The following DNAJA2 variants were observed in gnomAD, a reference collection of about 807,000 sequenced individuals.
DNAJA2 encodes dnaJ homolog subfamily A member 2.
DNAJA2 carries 6 observed loss-of-function variants against 49.3 expected under a neutral mutation model. That is an observed-to-expected ratio of 0.12 (90% confidence interval 0.07 to 0.24). The LOEUF (loss-of-function observed/expected upper bound fraction) is 0.24. Ranked by LOEUF, DNAJA2 falls within the 10% of genes least tolerant of loss-of-function variation. The pLI is 1.00. For missense variants in DNAJA2, 347 were observed against 516.8 expected (o/e 0.67, Z 3.19); for synonymous variants, 160 against 172.7 (o/e 0.93, Z 0.58).
chr16:46,973,394 C>A, intron 1 of DNAJA2, 101 bp downstream of exon 1: 1 of 1,110,630 alleles, frequency 9.0e-7, no homozygotes, highest in South Asian at 3.1e-5. Flanking sequence ...ACGGCCGGCG[C>A]CGGCTCGCGG....
At chr16:46,959,616 G>T in intron 6 of DNAJA2, 197 bp from the exon 7 acceptor site, 1 of 525,464 alleles carries the variant, frequency 1.9e-6, no homozygotes, top group Non-Finnish European at 3.4e-6. Context: ...ACTTCCATGA[G>T]GAAGGTGTAC....
rs934075390 is a variant in DNAJA2, at chr16:46,973,357, G to T, written c.78+138C>A. On this transcript the variant is annotated intron_variant, in intron 1 of 8. Coordinates refer to ENST00000317089, the MANE Select transcript of DNAJA2 (RefSeq NM_005880.4). ...TCGCGGCGAGGCCGGTCCCGCCGCC[G>T]CCGCCGACTCCCAGCCCGGGCCAGT... is the stretch of plus-strand genomic sequence containing the variant. 8.6e-6 allele frequency: 6 copies of T among 699,150 alleles called. No homozygotes were observed. In the African/African-American group the frequency reaches 9.5e-5, roughly 11 times the overall value. The allele number at this position is 699,150 out of a possible 1,614,324, so 43.3% of individuals were successfully genotyped here. A position where few individuals can be genotyped will look rare whatever the true frequency, so the allele number is the denominator to read the frequency against.
intron 5 of DNAJA2, among the ~76,000 whole-genome samples, chr16:46,965,265 T>C (rs1961952835): frequency 6.6e-6 from 1 of 152,174 alleles, no homozygotes; most frequent in Admixed American, 6.5e-5. Context: ...ATCTTACTAC[T>C]GCAGACTGCC....
Position 46,956,343 on chromosome 16 carries a change from C to A in DNAJA2, c.*686G>T, listed in dbSNP as rs57637732. ...TAAGAACCAGTACTAAGGATACATT[C>A]TTTTATGTTTTTCCTTCTAAAAATG... On this transcript the variant is annotated 3_prime_UTR_variant, in exon 9 of 9. Transcript: ENST00000317089. 5 of 149,942 alleles carry A rather than the reference C, an allele frequency of 3.3e-5. No homozygotes were observed. The highest frequency in any genetic ancestry group is 7.4e-5 in the Non-Finnish European group (5 of 67,808). 9.3% of individuals were successfully genotyped at this position (149,942 alleles called of 1,614,324 possible).
At chr16:46,970,697 T>C (rs995674418) in intron 3 of DNAJA2, among the ~76,000 whole-genome samples, 7 of 115,942 alleles carry the variant, frequency 6.0e-5, no homozygotes, top group African/African-American at 2.0e-4. Flanking sequence ...ATGGTGCCAC[T>C]GCACTCCAAC....
In DNAJA2 at chr16:46,973,403, G is replaced by A. The variant is rs1962086031; in HGVS notation, c.78+92C>T. The A allele has an allele frequency of 5.1e-6, 6 of 1,177,086 alleles. No homozygotes were observed. In the South Asian group the frequency reaches 1.3e-4, roughly 25 times the overall value. 72.9% of individuals were successfully genotyped at this position (1,177,086 alleles called of 1,614,324 possible). ...CCAGTCACGGCCGGCGCCGGCTCGC[G>A]GGCAGCCCAGTAGCGCGGCCTGGCT... On this transcript the variant is annotated intron_variant, in intron 1 of 8. Coordinates refer to ENST00000317089, the MANE Select transcript of DNAJA2 (RefSeq NM_005880.4).
At chr16:46,966,171 C>T (rs573395660) in intron 5 of DNAJA2, among the ~76,000 whole-genome samples, 4 of 152,230 alleles carry the variant, frequency 2.6e-5, no homozygotes, top group East Asian at 1.9e-4. Context: ...GTGGAGGCTG[C>T]GGTGAGCCGA....
At chr16:46,961,132 C>T (rs1254268057) in intron 6 of DNAJA2, among the ~76,000 whole-genome samples, 1 of 152,190 alleles carries the variant, frequency 6.6e-6, no homozygotes, top group Non-Finnish European at 1.5e-5. Context: ...TGCAGTGGCT[C>T]ATGCCTATAA....
At chr16:46,972,001 T>C (rs1398075977) in intron 1 of DNAJA2, 46 bp from the exon 2 acceptor site, 1 of 1,341,236 alleles carries the variant, frequency 7.5e-7, no homozygotes, top group South Asian at 1.2e-5. Flanking sequence ...TAAACACCAG[T>C]TAAAAGTTTT....
At chr16:46,961,980 A>G (rs1265548785) in intron 6 of DNAJA2, among the ~76,000 whole-genome samples, 1 of 151,856 alleles carries the variant, frequency 6.6e-6, no homozygotes, top group Non-Finnish European at 1.5e-5. Flanking sequence ...TGGCAGGATG[A>G]TGACTATAGA....
chr16:46,963,354 AG>A (rs1443311413), intron 6 of DNAJA2, among the ~76,000 whole-genome samples: 3 of 152,210 alleles, frequency 2.0e-5, no homozygotes, highest in East Asian at 3.9e-4. Flanking sequence ...AAAATATACA[AG>A]TGCAATGTTA....
chr16:46,969,178 C>A (rs1046559699), intron 3 of DNAJA2, among the ~76,000 whole-genome samples: 5 of 151,924 alleles, frequency 3.3e-5, no homozygotes, highest in Non-Finnish European at 5.9e-5. Flanking sequence ...GTTAGAGGAA[C>A]AAAAAAATAG....
At chr16:46,972,301 A>T (rs1962064411) in intron 1 of DNAJA2, 1 of 212,258 alleles carries the variant, frequency 4.7e-6, no homozygotes, top group South Asian at 8.9e-5. Flanking sequence ...GACGACCCTA[A>T]TAAATTCGAG....
chr16:46,957,305 A>G (rs1961828823), intron 8 of DNAJA2, 85 bp from the exon 9 acceptor site: 3 of 1,313,602 alleles, frequency 2.3e-6, no homozygotes, highest in Non-Finnish European at 3.1e-6. Context: ...TGTCTGTTTA[A>G]GAGTTTAAAA....
Position 46,973,487 on chromosome 16 carries a change from C to G in DNAJA2, c.78+8G>C. The stretch of plus-strand genomic sequence containing the variant: ...CCCCTCACACCCGCCCGGCCCGCTC[C>G]CAGATACCTTCTTCAGCTCGTTCTC... On this transcript the variant is annotated splice_region_variant and intron_variant, in intron 1 of 8. Transcript: ENST00000317089. The G allele has an allele frequency of 1.3e-6, 2 of 1,598,582 alleles. No individual in the cohort carries two copies. Among genetic ancestry groups the G allele is most frequent in the Non-Finnish European group, 1.7e-6 (2 of 1,175,926 alleles).
chr16:46,959,202 T>C, intron 7 of DNAJA2, 72 bp from the exon 8 acceptor site: 1 of 1,581,214 alleles, frequency 6.3e-7, no homozygotes, highest in Non-Finnish European at 8.6e-7. Flanking sequence ...AGTTATGCAG[T>C]ATAAAAAAAT....
intron 1 of DNAJA2, 107 bp downstream of exon 1, chr16:46,973,388 C>G: frequency 9.5e-7 from 1 of 1,052,844 alleles, no homozygotes; most frequent in Admixed American, 4.4e-5. Context: ...CCAGTCACGG[C>G]CGGCGCCGGC....
In DNAJA2 at chr16:46,964,740, C is replaced by T; in HGVS notation, c.645G>A (p.Lys215=). 6.2e-7 allele frequency: 1 copy of T among 1,614,122 alleles called. No homozygotes were observed. The highest frequency in any genetic ancestry group is 8.5e-7 in the Non-Finnish European group (1 of 1,180,014). The change falls in exon 6 of 9, where the codon AAG becomes AAA. Residue 215 remains lysine (K), a synonymous_variant. Coordinates refer to ENST00000317089, the MANE Select transcript of DNAJA2 (RefSeq NM_005880.4). The part of the protein sequence containing the change: ...CEGKKVIKEV[K]ILEVHVDKGM... ...CTTTGTCTACGTGGACTTCAAGAAT[C>T]TTGACTTCTTTAATCACCTTCTTCC... is the stretch of plus-strand genomic sequence containing the variant.
chr16:46,967,727 T>C (rs918045730), intron 4 of DNAJA2, 81 bp from the exon 5 acceptor site: 21 of 1,562,266 alleles, frequency 1.3e-5, no homozygotes, highest in Non-Finnish European at 1.8e-5. Flanking sequence ...ATTGTGCTTT[T>C]ACCTTCATCT....
Sources: gnomAD v4.1 joint callset for allele counts (sites outside exome capture counted in the v4.1 genomes callset) on GRCh38, gnomAD v4.1.1 for gene constraint, MANE v1.5 for transcripts, NCBI Gene and HGNC (gene_info 2026-07-23, HGNC 2026-07-21) for gene names.